The following CHRNA1 variants were observed in gnomAD, a reference collection of about 807,000 sequenced individuals.
CHRNA1 encodes the protein acetylcholine receptor subunit alpha.
In CHRNA1, 35 loss-of-function variants were observed where a neutral mutation model predicts 47.1. The ratio of observed to expected loss-of-function variants is 0.74; its 90% CI spans 0.57 to 0.99. The LOEUF (loss-of-function observed/expected upper bound fraction) is 0.99. Ranked by LOEUF, CHRNA1 falls within the 50% of genes least tolerant of loss-of-function variation. The pLI is 0.00. For missense variants in CHRNA1, 506 were observed against 591.1 expected (o/e 0.86, Z 1.49); for synonymous variants, 229 against 223.6 (o/e 1.02, Z -0.22).
At position 174,757,590 on chromosome 2, in the gene CHRNA1, C is replaced by G. The variant is rs376844505; in HGVS notation, c.320G>C (p.Arg107Pro). 6.2e-7 allele frequency: 1 copy of G among 1,613,956 alleles called. No homozygotes were observed. The highest frequency in any genetic ancestry group is 8.5e-7 in the Non-Finnish European group (1 of 1,179,844). ...KIHIPSEKIW[R>P]PDLVLYNNAD... ...CTTGTTATAGAGAACAAGGTCTGGG[C>G]GCCAGATCTTTTCTGAAGGAATGTG... The change falls in exon 4 of 9, where the codon CGC becomes CCC. Residue 107 changes from arginine (R) to proline (P), a missense_variant. By Grantham distance (103) the Arg-to-Pro change is moderately radical. Coordinates refer to ENST00000348749, the MANE Select transcript of CHRNA1 (RefSeq NM_000079.4).
In CHRNA1 at chr2:174,757,657, G is replaced by A. The variant is rs377205515; in HGVS notation, c.253C>T (p.Leu85=). The A allele has an allele frequency of 5.0e-6, 8 of 1,613,978 alleles. No homozygotes were observed. The highest frequency in any genetic ancestry group is 2.2e-5 in the East Asian group (1 of 44,876). Residue 85 remains leucine, a synonymous_variant, in exon 4 of 9, where the codon CTA becomes TTA. Coordinates refer to ENST00000348749, the MANE Select transcript of CHRNA1 (RefSeq NM_000079.4). ...CCATAGTCATCTGGATTCCATTTTAGGTTGTAATCCACCCATTGCTAGAAA... is the reference window on the plus strand; with the variant it reads ...CCATAGTCATCTGGATTCCATTTTAAGTTGTAATCCACCCATTGCTAGAAA... ...RLKQQWVDYN[L]KWNPDDYGGV... is the part of the protein sequence containing the mutation.
chr2:174,761,667 C>T (rs762237551), intron 1 of CHRNA1, among the ~76,000 whole-genome samples: 1 of 152,200 alleles, frequency 6.6e-6, no homozygotes, highest in Non-Finnish European at 1.5e-5. Context: ...CAGTGCCCAA[C>T]CACGCAGAGA....
At chr2:174,759,722 A>C in intron 1 of CHRNA1, 89 bp from the exon 2 acceptor site, 1 of 1,505,470 alleles carries the variant, frequency 6.6e-7, no homozygotes, top group Non-Finnish European at 9.1e-7. Context: ...CTGAGGCATA[A>C]GCCTCAGTTC....
chr2:174,749,822 TA>T, intron 7 of CHRNA1, 123 bp downstream of exon 7: 1 of 858,406 alleles, frequency 1.2e-6, no homozygotes, highest in East Asian at 2.7e-5. Flanking sequence ...AAAAATTCCC[TA>T]AAGCCCAAAG....
rs144533405 is a variant in CHRNA1, at chr2:174,748,758, T to C, written c.1064A>G (p.Glu355Gly). ...TGTAAAAATCTTTTTGTCTTGCTTTTCTCTGGATGGTCTTTTCATTGTGGA... is the reference window on the plus strand; with the variant it reads ...TGTAAAAATCTTTTTGTCTTGCTTTCCTCTGGATGGTCTTTTCATTGTGGA... ...FFSTMKRPSREKQDKKIFTED... is the reference protein window; with the variant it reads ...FFSTMKRPSRGKQDKKIFTED... The change falls in exon 8 of 9, where the codon GAA becomes GGA. Residue 355 changes from glutamate to glycine, a missense_variant. Transcript: ENST00000348749. The C allele has an allele frequency of 1.3e-4, 208 of 1,614,226 alleles. No individual in the cohort carries two copies. The African/African-American group carries it at 2.2e-3, about 17-fold the overall frequency.
chr2:174,753,575 C>T lies in CHRNA1; in HGVS notation c.706G>A (p.Val236Ile), dbSNP rs1332781017. Reference sequence around the variant, plus strand: ...AGCAGGCAGGGGATGATGACGTTGACGATGAAGTAGAGGGGCAGGCGCTGC... The same window carrying T: ...AGCAGGCAGGGGATGATGACGTTGATGATGAAGTAGAGGGGCAGGCGCTGC... ...VMQRLPLYFI[V>I]NVIIPCLLFS... is the part of the protein sequence containing the mutation. Residue 236 changes from valine (V) to isoleucine (I), a missense_variant, in exon 6 of 9, where the codon GTC (valine) becomes ATC (isoleucine). Physicochemically the swap from Val to Ile is conservative, Grantham distance 29. Transcript: ENST00000348749. 12 of 1,614,086 alleles carry T rather than the reference C, an allele frequency of 7.4e-6. No homozygotes were observed. The highest frequency in any genetic ancestry group is 1.6e-4 in the Middle Eastern group (1 of 6,062).
chr2:174,759,858 G>A (rs992237123), intron 1 of CHRNA1, among the ~76,000 whole-genome samples: 12 of 151,304 alleles, frequency 7.9e-5, no homozygotes, highest in Non-Finnish European at 1.6e-4. Flanking sequence ...GGTGTGCCAG[G>A]TAATCACAAC....
chr2:174,754,222 G>A lies in CHRNA1; in HGVS notation c.537C>T (p.Asn179=), dbSNP rs1431774496. The change falls in exon 5 of 9, where the codon AAC becomes AAT. Residue 179 remains asparagine, a synonymous_variant. Coordinates refer to ENST00000348749, the MANE Select transcript of CHRNA1 (RefSeq NM_000079.4). ...ATCATATGTGGCCACCACCTACCGGGTTGATGGCCACGACAGAGCCGTCGT... is the reference window on the plus strand; with the variant it reads ...ATCATATGTGGCCACCACCTACCGGATTGATGGCCACGACAGAGCCGTCGT... The part of the protein sequence containing the change: ...WTYDGSVVAI[N]PESDQPDLSN... The A allele has an allele frequency of 2.5e-6, 4 of 1,613,278 alleles. No individual in the cohort carries two copies. Among genetic ancestry groups the A allele is most frequent in the South Asian group, 1.1e-5 (1 of 91,040 alleles).
rs180716146 is a variant in CHRNA1, at chr2:174,764,288, G to T, written c.43+64C>A. 5.3e-5 allele frequency: 81 copies of T among 1,537,148 alleles called. No individual in the cohort carries two copies. In the East Asian group the frequency reaches 1.8e-3, roughly 34 times the overall value. ...CATCAAAGAAGCAAGACTTTGATTT[G>T]GGGGCCTCCAGCACTTTAGCCTCAA... On this transcript the variant is annotated intron_variant, in intron 1 of 8. Coordinates refer to ENST00000348749, the MANE Select transcript of CHRNA1 (RefSeq NM_000079.4).
At chr2:174,749,651 G>A (rs992104545) in intron 7 of CHRNA1, among the ~76,000 whole-genome samples, 3 of 152,106 alleles carry the variant, frequency 2.0e-5, no homozygotes, top group East Asian at 1.9e-4. Flanking sequence ...AGAATTTCAC[G>A]GCATTTCAAT....
intron 4 of CHRNA1, among the ~76,000 whole-genome samples, chr2:174,754,950 A>G (rs1683951743): frequency 6.7e-6 from 1 of 148,318 alleles, no homozygotes; most frequent in African/African-American, 2.5e-5. Context: ...CAATGGTGCA[A>G]TCTTGGCTCA....
rs557829408 is a variant in CHRNA1 at position 174,748,855 on chromosome 2, T to C, written c.1003-36A>G. 1.8e-5 allele frequency: 29 copies of C among 1,610,886 alleles called. No individual in the cohort carries two copies. The South Asian group carries it at 2.0e-4, about 11-fold the overall frequency. On this transcript the variant is annotated intron_variant, in intron 7 of 8. Coordinates refer to ENST00000348749, the MANE Select transcript of CHRNA1 (RefSeq NM_000079.4). ...AAAGAAATCCATGCATGAGAATTAT[T>C]GTCCAGGAGGCAAGCATAAAACTCT...
In CHRNA1 at chr2:174,757,622, T is replaced by C. The variant is rs777666730; in HGVS notation, c.288A>G (p.Lys96=). 4.3e-6 allele frequency: 7 copies of C among 1,614,060 alleles called. No individual in the cohort carries two copies. Among genetic ancestry groups the C allele is most frequent in the South Asian group, 2.2e-5 (2 of 91,088 alleles). Residue 96 remains lysine (K), a synonymous_variant, in exon 4 of 9, where the codon AAA becomes AAG. Transcript: ENST00000348749. ...KWNPDDYGGV[K]KIHIPSEKIW... ...TCTTTTCTGAAGGAATGTGAATTTT[T>C]TTCACACCGCCATAGTCATCTGGAT...
chr2:174,761,855 G>T (rs1030696907), intron 1 of CHRNA1, among the ~76,000 whole-genome samples: 5 of 152,184 alleles, frequency 3.3e-5, no homozygotes, highest in Non-Finnish European at 7.3e-5. Flanking sequence ...TTGCAGACTG[G>T]AATGGATTAC....
intron 4 of CHRNA1, among the ~76,000 whole-genome samples, chr2:174,757,167 A>G (rs1480184620): frequency 6.6e-6 from 1 of 152,070 alleles, no homozygotes; most frequent in Admixed American, 6.6e-5. Flanking sequence ...GGTGCCTTGG[A>G]AAGTTGCCAC....
intron 3 of CHRNA1, chr2:174,757,915 A>G (rs1486068418): frequency 7.8e-7 from 1 of 1,287,672 alleles, no homozygotes; most frequent in Admixed American, 1.8e-5. Context: ...AGTCCTCACA[A>G]CAATCCCGTG....
chr2:174,753,776 G>T, intron 5 of CHRNA1, 36 bp from the exon 6 acceptor site: 3 of 1,605,156 alleles, frequency 1.9e-6, no homozygotes, highest in Non-Finnish European at 2.6e-6. Context: ...ATCCCAGGCA[G>T]GTCACCCTGA....
chr2:174,757,986 A>G (rs1251005411), intron 3 of CHRNA1: 1 of 1,612,846 alleles, frequency 6.2e-7, no homozygotes, highest in Non-Finnish European at 8.5e-7. Flanking sequence ...TCCCAAAGTC[A>G]CGCAGCTGGG....
At position 174,757,492 on chromosome 2, in the gene CHRNA1, C is replaced by T. The variant is rs35759748; in HGVS notation, c.344+74G>A. The T allele has an allele frequency of 0.013, 13,673 of 1,032,276 alleles. 143 individuals carry two copies. The highest frequency in any genetic ancestry group is 0.016 in the Middle Eastern group (70 of 4,514). 63.9% of individuals were successfully genotyped at this position (1,032,276 alleles called of 1,614,324 possible). A position where few individuals can be genotyped will look rare whatever the true frequency, so the allele number is the denominator to read the frequency against. On this transcript the variant is annotated intron_variant, in intron 4 of 8. Transcript: ENST00000348749. ...GCAGTGGTGAGAAGCATTCCGAGCG[C>T]GCAGCCCTTCTATTAGGGCACTTTA...
Sources: allele counts gnomAD v4.1 joint callset (sites outside exome capture counted in the v4.1 genomes callset), GRCh38; gene constraint gnomAD v4.1.1; transcripts MANE v1.5; gene names NCBI Gene and HGNC (gene_info 2026-07-23, HGNC 2026-07-21).